PCMTD1: variants seen among roughly 807,000 people sequenced by gnomAD.
PCMTD1 encodes protein-L-isoaspartate (D-aspartate) O-methyltransferase domain containing 1.
Under a neutral mutation model 37.6 loss-of-function variants are expected in PCMTD1, and 12 were observed. The ratio of observed to expected loss-of-function variants is 0.32; its 90% CI spans 0.20 to 0.52. The LOEUF is 0.52. Among genes scored for constraint, PCMTD1 ranks in the 20% least tolerant of loss-of-function variants. PCMTD1 has a pLI of 0.97. For missense variants in PCMTD1, 235 were observed against 421.3 expected (o/e 0.56, Z 3.87); for synonymous variants, 117 against 135.8 (o/e 0.86, Z 0.96).
chr8:51,846,287 G>C (rs537004390), intron 2 of PCMTD1, among the ~76,000 whole-genome samples: 1 of 152,248 alleles, frequency 6.6e-6, no homozygotes, highest in Admixed American at 6.5e-5. Flanking sequence ...CAGCATGCTG[G>C]ACTTGACTCT....
At chr8:51,830,997 C>A (rs1342620094) in intron 5 of PCMTD1, among the ~76,000 whole-genome samples, 9 of 147,114 alleles carry the variant, frequency 6.1e-5, no homozygotes, top group South Asian at 2.1e-4. Flanking sequence ...TTTATTTTAC[C>A]AAAAAAAAAA....
chr8:51,886,814 C>T (rs182848478), intron 1 of PCMTD1, among the ~76,000 whole-genome samples: 127 of 152,246 alleles, frequency 8.3e-4, no homozygotes, highest in Middle Eastern at 6.8e-3. Flanking sequence ...AGTTTATTAT[C>T]TGATAGTTCT....
intron 1 of PCMTD1, among the ~76,000 whole-genome samples, chr8:51,863,396 G>A (rs2038503398): frequency 6.6e-6 from 1 of 152,108 alleles, no homozygotes; most frequent in Admixed American, 6.6e-5. Flanking sequence ...CATTTTTGGT[G>A]AGAAAAAGGC....
intron 1 of PCMTD1, among the ~76,000 whole-genome samples, chr8:51,864,684 CA>C (rs1298982735): frequency 2.0e-5 from 3 of 152,012 alleles, no homozygotes; most frequent in African/African-American, 7.2e-5. Flanking sequence ...GGAAACATAA[CA>C]TACCATAACT....
intron 2 of PCMTD1, 42 bp from the exon 3 acceptor site, chr8:51,845,805 T>G (rs1238690748): frequency 2.1e-6 from 3 of 1,396,070 alleles, no homozygotes; most frequent in African/African-American, 1.4e-5. Flanking sequence ...ATTAATAATA[T>G]GCCCTTACAG....
In PCMTD1 at chr8:51,877,175, G is replaced by A. The variant is rs185108508; in HGVS notation, c.-95-15929C>T. ...TACTTTTTGTAGAAAGCGTACACTCGCCGGCAGTTTTGCCATGAGAGTACA... is the reference window on the plus strand; with the variant it reads ...TACTTTTTGTAGAAAGCGTACACTCACCGGCAGTTTTGCCATGAGAGTACA... On this transcript the variant is annotated intron_variant, in intron 1 of 5. Coordinates refer to ENST00000522514, the MANE Select transcript of PCMTD1 (RefSeq NM_052937.4). Among the ~76,000 whole-genome samples, 28 of 152,170 alleles carry A rather than the reference G, an allele frequency of 1.8e-4. No individual in the cohort carries two copies. The East Asian group carries it at 2.3e-3, about 13-fold the overall frequency.
chr8:51,847,925 A>ACTAAAC (rs77401152), intron 2 of PCMTD1, among the ~76,000 whole-genome samples: 2 of 151,702 alleles, frequency 1.3e-5, no homozygotes, highest in Non-Finnish European at 2.9e-5. Flanking sequence ...AATAAACTAA[A>ACTAAAC]AAAAAAGTAG....
chr8:51,835,149 G>C (rs1274599069), intron 3 of PCMTD1, among the ~76,000 whole-genome samples: 3 of 152,094 alleles, frequency 2.0e-5, no homozygotes, highest in Non-Finnish European at 4.4e-5. Context: ...TGAATTACTT[G>C]CTTCTAATTC....
intron 2 of PCMTD1, among the ~76,000 whole-genome samples, chr8:51,848,205 C>T (rs2129282056): frequency 6.6e-6 from 1 of 151,724 alleles, no homozygotes; most frequent in Non-Finnish European, 1.5e-5. Context: ...GTTAATATTG[C>T]TGGCACTCTT....
intron 5 of PCMTD1, chr8:51,827,476 C>T: frequency 3.0e-6 from 1 of 334,202 alleles, no homozygotes; most frequent in South Asian, 2.3e-5. Context: ...TGTGAATCAC[C>T]CCTCTGTCTA....
At chr8:51,857,750 T>C (rs1156283426) in intron 2 of PCMTD1, among the ~76,000 whole-genome samples, 1 of 152,062 alleles carries the variant, frequency 6.6e-6, no homozygotes, top group African/African-American at 2.4e-5. Flanking sequence ...ATCTCAGGAG[T>C]TGATCTATTC....
At chr8:51,850,718 G>A (rs553339880) in intron 2 of PCMTD1, among the ~76,000 whole-genome samples, 8 of 152,192 alleles carry the variant, frequency 5.3e-5, no homozygotes, top group African/African-American at 1.9e-4. Flanking sequence ...CAGTCATTAG[G>A]TTTCTACGAA....
At chr8:51,827,077 A>G in intron 5 of PCMTD1, 1 of 986,058 alleles carries the variant, frequency 1.0e-6, no homozygotes, top group Non-Finnish European at 1.2e-6. Context: ...TGTCCTCTCA[A>G]CAGAAAGCTA....
intron 3 of PCMTD1, among the ~76,000 whole-genome samples, chr8:51,841,224 T>C (rs16916879): frequency 0.044 from 6,688 of 152,286 alleles, 495 homozygotes; most frequent in African/African-American, 0.15. Flanking sequence ...ACATTTAGAA[T>C]GGTTAACACT....
chr8:51,817,988 TACTATATTCCCCATCATTTTC>T lies in PCMTD1; in HGVS notation c.*2342_*2362del. 1 of 456,374 alleles carries T rather than the reference TACTATATTCCCCATCATTTTC, an allele frequency of 2.2e-6. No homozygotes were observed. The highest frequency in any genetic ancestry group is 4.4e-6 in the Non-Finnish European group (1 of 226,792). 28.3% of individuals were successfully genotyped at this position (456,374 alleles called of 1,614,324 possible). On this transcript the variant is annotated 3_prime_UTR_variant, in exon 6 of 6. Transcript: ENST00000522514. Reference sequence around the variant, plus strand: ...GTTTTAACTAGCTATAAAATTCCAATACTATATTCCCCATCATTTTCACTTACTTTTACTTAATCTTTATTT... The same window carrying T: ...GTTTTAACTAGCTATAAAATTCCAATACTTACTTTTACTTAATCTTTATTT...
chr8:51,879,473 G>C (rs1404347545), intron 1 of PCMTD1, among the ~76,000 whole-genome samples: 1 of 152,136 alleles, frequency 6.6e-6, no homozygotes, highest in East Asian at 1.9e-4. Flanking sequence ...TATCATTTAA[G>C]AATCTGAGGT....
At chr8:51,855,761 C>G (rs2038378896) in intron 2 of PCMTD1, among the ~76,000 whole-genome samples, 1 of 151,868 alleles carries the variant, frequency 6.6e-6, no homozygotes, top group Non-Finnish European at 1.5e-5. Context: ...CGGGTTCACA[C>G]CATTCTCCTG....
chr8:51,867,587 T>TTA (rs140637746), intron 1 of PCMTD1, among the ~76,000 whole-genome samples: 29 of 146,390 alleles, frequency 2.0e-4, no homozygotes, highest in East Asian at 1.4e-3. Flanking sequence ...TAAAATCCAT[T>TTA]TATATATATA....
chr8:51,884,339 T>C (rs989963272), intron 1 of PCMTD1, among the ~76,000 whole-genome samples: 3 of 152,128 alleles, frequency 2.0e-5, no homozygotes, highest in African/African-American at 4.8e-5. Flanking sequence ...AAGCAGGAAA[T>C]AGCCACTATC....
Sources: allele counts gnomAD v4.1 joint callset (sites outside exome capture counted in the v4.1 genomes callset), GRCh38; gene constraint gnomAD v4.1.1; transcripts MANE v1.5; gene names NCBI Gene and HGNC (gene_info 2026-07-23, HGNC 2026-07-21).